Variants in SFI1 observed in about 807,000 individuals in gnomAD.
SFI1 encodes protein SFI1 homolog.
In SFI1, 195 loss-of-function variants were observed where a neutral mutation model predicts 207.5. The observed-to-expected ratio is 0.94, with a 90% confidence interval of 0.84 to 1.06. The LOEUF (loss-of-function observed/expected upper bound fraction) is 1.06, where lower values mean the gene tolerates loss of function less well. Ranked by LOEUF, SFI1 falls within the 50% of genes least tolerant of loss-of-function variation. The pLI is 0.00. For missense variants in SFI1, 1,634 were observed against 1,588.0 expected, an observed-to-expected ratio of 1.03 and a Z score of -0.49; for synonymous variants, 630 against 598.9, an observed-to-expected ratio of 1.05 and a Z score of -0.76.
In SFI1 at chr22:31,561,198, A is replaced by G; in HGVS notation, c.663-92A>G. On this transcript the variant is annotated intron_variant, in intron 7 of 32. Transcript: ENST00000400288. ...ATGGTACTATGAAGGAGAGGACTAGAGCTGAGGGTCTGAGGCCCCACACTA... is the reference window on the plus strand; with the variant it reads ...ATGGTACTATGAAGGAGAGGACTAGGGCTGAGGGTCTGAGGCCCCACACTA... 3 of 999,748 alleles carry G rather than the reference A, an allele frequency of 3.0e-6. 1 individual carries two copies. The South Asian group carries it at 4.5e-5, about 15-fold the overall frequency. 61.9% of individuals were successfully genotyped at this position (999,748 alleles called of 1,614,324 possible).
chr22:31,503,884 C>T (rs943842140), intron 1 of SFI1, among the ~76,000 whole-genome samples: 50 of 150,826 alleles, frequency 3.3e-4, no homozygotes, highest in Non-Finnish European at 6.5e-4. Context: ...CCACTGTCCT[C>T]GGCCATGTTT....
At chr22:31,562,420 G>C (rs1055311480) in intron 8 of SFI1, among the ~76,000 whole-genome samples, 1 of 145,270 alleles carries the variant, frequency 6.9e-6, no homozygotes, top group African/African-American at 2.6e-5. Flanking sequence ...CTGAGTGACT[G>C]AGTTGGGGCC....
chr22:31,576,749 C>T (rs1198446399), intron 10 of SFI1, among the ~76,000 whole-genome samples: 1 of 151,940 alleles, frequency 6.6e-6, no homozygotes, highest in Non-Finnish European at 1.5e-5. Context: ...AAGCGATTCT[C>T]CGGCCTCAGC....
rs747259208 is a variant in SFI1, at chr22:31,583,973, G to A, written c.1346+1G>A. 2 of 1,612,910 alleles carry A rather than the reference G, an allele frequency of 1.2e-6. No individual in the cohort carries two copies. Among genetic ancestry groups the A allele is most frequent in the South Asian group, 1.1e-5 (1 of 91,050 alleles). The stretch of plus-strand genomic sequence containing the variant: ...TGCATGCTGCCTGGGACCACTACAG[G>A]TAGGGACTCTGGTTTCATCCCTGGC... On this transcript the variant is annotated splice_donor_variant, in intron 13 of 32. Transcript: ENST00000400288. LOFTEE classifies it high-confidence loss of function.
intron 15 of SFI1, among the ~76,000 whole-genome samples, chr22:31,599,479 A>G (rs1316519634): frequency 6.6e-6 from 1 of 152,108 alleles, no homozygotes; most frequent in Non-Finnish European, 1.5e-5. Context: ...GGCACACGCC[A>G]CCACGCCCAG....
intron 15 of SFI1, 105 bp from the exon 16 acceptor site, chr22:31,602,107 T>C (rs2068215222): frequency 2.1e-6 from 2 of 956,920 alleles, no homozygotes; most frequent in Non-Finnish European, 1.7e-6. Flanking sequence ...TCTTATACGA[T>C]AGCATGGTAT....
At chr22:31,503,847 C>G (rs2054218161) in intron 1 of SFI1, among the ~76,000 whole-genome samples, 1 of 151,830 alleles carries the variant, frequency 6.6e-6, no homozygotes, top group South Asian at 2.1e-4. Flanking sequence ...CTTCGGCCTC[C>G]CAAAGTTCTA....
chr22:31,605,392 A>T (rs778194745), intron 20 of SFI1: 12 of 153,866 alleles, frequency 7.8e-5, no homozygotes, highest in Admixed American at 6.5e-5. Context: ...CATCTGCACC[A>T]CTCACCCCTG....
chr22:31,590,967 A>ATTTTTT (rs1005027663), intron 15 of SFI1, among the ~76,000 whole-genome samples: 4 of 144,870 alleles, frequency 2.8e-5, no homozygotes, highest in Admixed American at 6.9e-5. Context: ...TTATTTATTT[A>ATTTTTT]TTTATTTATT....
chr22:31,571,298 T>C lies in SFI1; in HGVS notation c.766-1760T>C, dbSNP rs144797078. The stretch of plus-strand genomic sequence containing the variant: ...GTGTTTCACCTAGTTTAACCGATTG[T>C]GGTTTTTTGGTTTGGTTTGGTTTGG... On this transcript the variant is annotated intron_variant, in intron 8 of 32. Coordinates refer to ENST00000400288, the MANE Select transcript of SFI1 (RefSeq NM_001007467.3). Among the ~76,000 whole-genome samples the C allele has an allele frequency of 1.6e-4, 24 of 152,176 alleles. No individual in the cohort carries two copies. In the East Asian group the frequency reaches 4.6e-3, roughly 29 times the overall value.
intron 15 of SFI1, among the ~76,000 whole-genome samples, chr22:31,598,389 A>T (rs1268799514): frequency 6.6e-6 from 1 of 151,798 alleles, no homozygotes; most frequent in Non-Finnish European, 1.5e-5. Flanking sequence ...GTCAGTCCCT[A>T]CCCTGCATAG....
rs748628755 is a variant in SFI1 at position 31,618,381 on chromosome 22, T to C, written c.3692T>C (p.Val1231Ala). Residue 1231 changes from valine to alanine, a missense_variant, in exon 33 of 33, where the codon GTT becomes GCT. Val to Ala is a moderately conservative substitution (Grantham distance 64, BLOSUM62 0). Coordinates refer to ENST00000400288, the MANE Select transcript of SFI1 (RefSeq NM_001007467.3). ...CAGCGCCAGCCCATTGGCGCCTGCG[T>C]TGCCCGCATCCAGGCCCTGCGGCAG... is the stretch of plus-strand genomic sequence containing the variant. ...QAQRQPIGAC[V>A]ARIQALRQAL... 61 of 1,605,058 alleles carry C rather than the reference T, an allele frequency of 3.8e-5. No homozygotes were observed. The Admixed American group carries it at 5.9e-4, about 15-fold the overall frequency.
intron 22 of SFI1, among the ~76,000 whole-genome samples, chr22:31,608,584 C>T (rs972014136): frequency 6.6e-6 from 1 of 152,086 alleles, no homozygotes; most frequent in Admixed American, 6.6e-5. Context: ...AAATCTATTC[C>T]CAACTGACTG....
At chr22:31,528,890 A>G (rs772452497) in intron 3 of SFI1, 27 bp downstream of exon 3, 50 of 1,584,928 alleles carry the variant, frequency 3.2e-5, no homozygotes, top group Non-Finnish European at 4.0e-5. Flanking sequence ...CCACCAGTCT[A>G]TGGGTACTTT....
intron 1 of SFI1, among the ~76,000 whole-genome samples, chr22:31,498,802 A>G (rs1326923486): frequency 1.3e-5 from 2 of 151,850 alleles, no homozygotes; most frequent in African/African-American, 2.4e-5. Context: ...TAAAAATGTG[A>G]CCAATTGCTG....
intron 15 of SFI1, among the ~76,000 whole-genome samples, chr22:31,593,037 A>AC (rs1196172196): frequency 6.9e-5 from 7 of 101,980 alleles, no homozygotes; most frequent in East Asian, 3.2e-4. Flanking sequence ...TGGGGGGCTG[A>AC]CCCCCCCACC....
chr22:31,583,415 C>T (rs564845681), intron 12 of SFI1, among the ~76,000 whole-genome samples: 1 of 152,256 alleles, frequency 6.6e-6, no homozygotes. Context: ...GCGCCCAGCC[C>T]AGTGTTTTAT....
chr22:31,572,770 TG>T, intron 8 of SFI1: 1 of 216,780 alleles, frequency 4.6e-6, no homozygotes, highest in South Asian at 1.1e-4. Flanking sequence ...CCCAAAGTGC[TG>T]GGATTACAGG....
chr22:31,505,413 T>C (rs192608634), intron 1 of SFI1, among the ~76,000 whole-genome samples: 1,731 of 148,754 alleles, frequency 0.012, 12 homozygotes, highest in Middle Eastern at 0.031. Context: ...CATTCCAGCC[T>C]GGGCAACAGA....
Sources: allele counts gnomAD v4.1 joint callset (sites outside exome capture counted in the v4.1 genomes callset), GRCh38; gene constraint gnomAD v4.1.1; transcripts MANE v1.5; gene names NCBI Gene and HGNC (gene_info 2026-07-23, HGNC 2026-07-21).